B4GALT1: variants seen among roughly 807,000 people sequenced by gnomAD.
B4GALT1 encodes the protein beta-1,4-galactosyltransferase 1, also known as N-acetyllactosamine synthase.
In B4GALT1, 16 loss-of-function variants were observed where a neutral mutation model predicts 34.9. That is an observed-to-expected ratio of 0.46 (90% CI 0.31 to 0.70). The LOEUF is 0.70. Ranked by LOEUF, B4GALT1 falls within the 30% of genes least tolerant of loss-of-function variation. B4GALT1 has a pLI of 0.05. For synonymous variants in B4GALT1, 221 were observed against 218.1 expected (o/e 1.01, Z -0.12); for missense variants, 445 against 530.5 (o/e 0.84, Z 1.58).
chr9:33,136,161 A>G (rs531187826), intron 1 of B4GALT1, among the ~76,000 whole-genome samples: 3 of 152,170 alleles, frequency 2.0e-5, no homozygotes, highest in Non-Finnish European at 4.4e-5. Flanking sequence ...AGTAACAAAG[A>G]GGAAGAAGAA....
intron 5 of B4GALT1, 84 bp from the exon 6 acceptor site, chr9:33,113,670 C>G: frequency 1.2e-6 from 2 of 1,608,794 alleles, no homozygotes; most frequent in Non-Finnish European, 1.7e-6. Flanking sequence ...CCTCCCTCTC[C>G]ACTGTAACCT....
At chr9:33,139,136 G>C (rs1394030574) in intron 1 of B4GALT1, among the ~76,000 whole-genome samples, 3 of 152,174 alleles carry the variant, frequency 2.0e-5, no homozygotes, top group Non-Finnish European at 4.4e-5. Flanking sequence ...CTTTCAATTT[G>C]TTTCAATTGA....
At chr9:33,138,053 T>A (rs1024968622) in intron 1 of B4GALT1, among the ~76,000 whole-genome samples, 3 of 152,258 alleles carry the variant, frequency 2.0e-5, no homozygotes, top group Non-Finnish European at 4.4e-5. Context: ...AAGAAGCACC[T>A]GGGCTGTCAC....
chr9:33,153,011 C>T (rs577810375), intron 1 of B4GALT1, among the ~76,000 whole-genome samples: 1 of 152,112 alleles, frequency 6.6e-6, no homozygotes. Context: ...CCAGCCTGGG[C>T]AACATGGCAA....
intron 1 of B4GALT1, among the ~76,000 whole-genome samples, chr9:33,140,464 T>C (rs949315308): frequency 6.8e-6 from 1 of 148,126 alleles, no homozygotes; most frequent in African/African-American, 2.5e-5. Flanking sequence ...ATCATAGATT[T>C]TCATGCTGGA....
chr9:33,170,312 T>C (rs1840828429), upstream of B4GALT1, among the ~76,000 whole-genome samples: 1 of 152,122 alleles, frequency 6.6e-6, no homozygotes. Context: ...ATCATCTTAA[T>C]GATGTGGGAA....
chr9:33,148,233 T>G (rs940247740), intron 1 of B4GALT1, among the ~76,000 whole-genome samples: 1 of 152,088 alleles, frequency 6.6e-6, no homozygotes, highest in Non-Finnish European at 1.5e-5. Flanking sequence ...CCAAAGACCA[T>G]CAGGCATATG....
At chr9:33,157,605 T>C (rs576894173) in intron 1 of B4GALT1, among the ~76,000 whole-genome samples, 105 of 152,328 alleles carry the variant, frequency 6.9e-4, no homozygotes, top group African/African-American at 2.3e-3. Flanking sequence ...TTGGAATATG[T>C]ATGCATTTGA....
At chr9:33,164,231 G>A (rs1429870852) in intron 1 of B4GALT1, among the ~76,000 whole-genome samples, 5 of 152,098 alleles carry the variant, frequency 3.3e-5, no homozygotes, top group African/African-American at 4.8e-5. Context: ...TAAACCCCAC[G>A]GATGCTTTCT....
intron 1 of B4GALT1, among the ~76,000 whole-genome samples, chr9:33,163,161 A>C (rs1046056460): frequency 3.9e-5 from 6 of 152,250 alleles, no homozygotes; most frequent in African/African-American, 1.4e-4. Context: ...GCTTGTGTCC[A>C]CATGTGTGCA....
chr9:33,165,012 G>A (rs1402016202), intron 1 of B4GALT1, among the ~76,000 whole-genome samples: 5 of 126,026 alleles, frequency 4.0e-5, no homozygotes, highest in South Asian at 2.5e-4. Context: ...TTGCTTCGTC[G>A]CCCAGGCTGG....
At chr9:33,171,487 A>G (rs1322490206), upstream of B4GALT1, among the ~76,000 whole-genome samples, 1 of 152,188 alleles carries the variant, frequency 6.6e-6, no homozygotes, top group African/African-American at 2.4e-5. Context: ...CTTCTAAAGC[A>G]TTCTTTTGCT....
At chr9:33,173,182 T>A in the B4GALT1 span, among the ~76,000 whole-genome samples, 2 of 152,124 alleles carry the variant, frequency 1.3e-5, no homozygotes, top group Non-Finnish European at 2.9e-5. Flanking sequence ...GGCGGGCAGA[T>A]CACCTGAGGT....
chr9:33,142,635 G>A (rs1185271497), intron 1 of B4GALT1, among the ~76,000 whole-genome samples: 2 of 151,716 alleles, frequency 1.3e-5, no homozygotes, highest in Admixed American at 6.6e-5. Context: ...TTTTTTTTAA[G>A]AGACAGTTTC....
chr9:33,122,578 G>A (rs1003023483), intron 2 of B4GALT1, among the ~76,000 whole-genome samples: 7 of 152,066 alleles, frequency 4.6e-5, no homozygotes, highest in Admixed American at 2.0e-4. Context: ...GCCTGTGTGC[G>A]TACAGAATGC....
chr9:33,170,583 A>G (rs928835160), upstream of B4GALT1, among the ~76,000 whole-genome samples: 2 of 152,232 alleles, frequency 1.3e-5, no homozygotes, highest in Non-Finnish European at 2.9e-5. Context: ...CTGTCCCAGG[A>G]CACACGTGGC....
In B4GALT1 at chr9:33,120,599, T is replaced by C; in HGVS notation, c.656A>G (p.Asp219Gly). The change falls in exon 3 of 6, where the codon GAC (aspartate) becomes GGC (glycine). Residue 219 changes from aspartate (D) to glycine (G), a missense_variant. Transcript: ENST00000379731. ...YGIYVINQAG[D>G]TIFNRAKLLN... ...GAGCTTAGCACGATTGAATATAGTG[T>C]CTCCCGCCTGGTGCAGAAACAAAAA... is the stretch of plus-strand genomic sequence containing the variant. 6.2e-7 allele frequency: 1 copy of C among 1,614,146 alleles called. No homozygotes were observed. The highest frequency in any genetic ancestry group is 8.5e-7 in the Non-Finnish European group (1 of 1,180,036).
chr9:33,133,899 G>A (rs1840229406), intron 2 of B4GALT1, among the ~76,000 whole-genome samples: 1 of 152,172 alleles, frequency 6.6e-6, no homozygotes, highest in South Asian at 2.1e-4. Flanking sequence ...TAAGGTCCCT[G>A]CTCACTGGCC....
intron 3 of B4GALT1, among the ~76,000 whole-genome samples, chr9:33,117,416 C>T (rs1839956494): frequency 6.6e-6 from 1 of 152,218 alleles, no homozygotes; most frequent in Non-Finnish European, 1.5e-5. Flanking sequence ...GAATTGTGAA[C>T]TCCTAAGGGA....
Sources: allele counts gnomAD v4.1 joint callset (sites outside exome capture counted in the v4.1 genomes callset), GRCh38; gene constraint gnomAD v4.1.1; transcripts MANE v1.5; gene names NCBI Gene and HGNC (gene_info 2026-07-23, HGNC 2026-07-21).